DEFB110: variants seen among roughly 807,000 people sequenced by gnomAD.
The protein encoded by DEFB110 is defensin beta 110.
Under a neutral mutation model 2.5 loss-of-function variants are expected in DEFB110, and 4 were observed. The ratio of observed to expected loss-of-function variants is 1.60; its 90% CI spans 0.79 to 3.66. DEFB110 has a LOEUF of 3.66. DEFB110 is among the 30% of genes most tolerant of loss of function. The pLI is 0.01. For synonymous variants in DEFB110, 29 were observed against 21.8 expected (o/e 1.33, Z -0.92); for missense variants, 94 against 75.4 (o/e 1.25, Z -0.91).
intron 1 of DEFB110, among the ~76,000 whole-genome samples, chr6:50,009,466 A>G (rs1326907291): frequency 6.6e-6 from 1 of 152,186 alleles, no homozygotes; most frequent in Non-Finnish European, 1.5e-5. Flanking sequence ...TTATACTTGT[A>G]CAAAATGTCT....
downstream of DEFB110, among the ~76,000 whole-genome samples, chr6:50,014,831 CTGCTTATGAA>C (rs1390642847): frequency 6.6e-6 from 1 of 151,758 alleles, no homozygotes; most frequent in African/African-American, 2.4e-5. Context: ...TCTACCCCTC[CTGCTTATGAA>C]TGAAGAAAGC....
intron 1 of DEFB110, among the ~76,000 whole-genome samples, chr6:50,010,121 ACC>A (rs1774202515): frequency 2.0e-5 from 3 of 152,004 alleles, no homozygotes; most frequent in African/African-American, 7.2e-5. Context: ...CAGTCATTCT[ACC>A]TATCTGGATG....
Position 50,020,336 on chromosome 6 carries a change from T to G in DEFB110, c.56-1211A>C, listed in dbSNP as rs1033872597. On this transcript the variant is annotated intron_variant, in intron 1 of 1. Transcript: ENST00000371148. ...GTTATGTGATCTATTCCAAGTCAAT[T>G]TTTTTAAGTTTATATTTTAAATTGT... Among the ~76,000 whole-genome samples, 5 of 152,136 alleles carry G rather than the reference T, an allele frequency of 3.3e-5. No individual in the cohort carries two copies. The East Asian group carries it at 5.8e-4, about 18-fold the overall frequency.
At chr6:50,020,981 C>A (rs981281482) in intron 1 of DEFB110, among the ~76,000 whole-genome samples, 1 of 152,034 alleles carries the variant, frequency 6.6e-6, no homozygotes, top group Non-Finnish European at 1.5e-5. Flanking sequence ...TGACCCCACC[C>A]CTTCTCTTAT....
At chr6:50,011,573 C>T (rs1204642324) in intron 1 of DEFB110, among the ~76,000 whole-genome samples, 2 of 151,944 alleles carry the variant, frequency 1.3e-5, no homozygotes, top group East Asian at 1.9e-4. Context: ...CAAATCTGTT[C>T]GAAAGCTAGA....
rs753788553 is a variant in DEFB110 at position 50,018,984 on chromosome 6, T to G, written c.197A>C (p.Gln66Pro). 1.2e-6 allele frequency: 2 copies of G among 1,610,774 alleles called. No individual in the cohort carries two copies. The highest frequency in any genetic ancestry group is 1.7e-6 in the Non-Finnish European group (2 of 1,178,574). The change falls in exon 2 of 2, where the codon CAG (glutamine) becomes CCG (proline). Residue 66 changes from glutamine to proline, a missense_variant. Coordinates refer to ENST00000371148, the MANE Select transcript of DEFB110 (RefSeq NM_001037497.2). ...TCTTTTCTTCTGTCATCGTTACTGC[T>G]GCAAGCAGCAATGAGTTCCAGGTCT... ...CIRPGTHCCL[Q>P]Q
At chr6:50,011,546 A>C (rs1247895130) in intron 1 of DEFB110, among the ~76,000 whole-genome samples, 1 of 152,068 alleles carries the variant, frequency 6.6e-6, no homozygotes, top group Non-Finnish European at 1.5e-5. Flanking sequence ...ACAATCCTGC[A>C]TACACACAGA....
At chr6:50,019,353 G>A (rs1045517661) in intron 1 of DEFB110, among the ~76,000 whole-genome samples, 2 of 152,058 alleles carry the variant, frequency 1.3e-5, no homozygotes, top group Admixed American at 6.6e-5. Context: ...AAGAAACTGG[G>A]CAGTGACCCA....
chr6:50,009,849 C>G (rs1181418391), intron 1 of DEFB110, among the ~76,000 whole-genome samples: 9 of 151,978 alleles, frequency 5.9e-5, no homozygotes, highest in Admixed American at 5.9e-4. Context: ...AAAAGTGGAG[C>G]CTCACATTAG....
At chr6:50,018,449 C>T (rs952041220), downstream of DEFB110, among the ~76,000 whole-genome samples, 4 of 151,896 alleles carry the variant, frequency 2.6e-5, no homozygotes, top group African/African-American at 9.7e-5. Flanking sequence ...CTTCTCTGGT[C>T]TTCCATTCTT....
intron 1 of DEFB110, among the ~76,000 whole-genome samples, chr6:50,010,677 C>G (rs142422799): frequency 6.6e-6 from 1 of 151,078 alleles, no homozygotes; most frequent in Non-Finnish European, 1.5e-5. Context: ...AGAATCCCTA[C>G]CTTTGGTGAA....
chr6:50,016,370 C>T (rs114702864), downstream of DEFB110, among the ~76,000 whole-genome samples: 1,069 of 151,554 alleles, frequency 7.1e-3, 20 homozygotes, highest in African/African-American at 0.024. Flanking sequence ...TAAATATGAA[C>T]GAAAATACAT....
At chr6:50,021,173 G>A (rs1774412718) in intron 1 of DEFB110, among the ~76,000 whole-genome samples, 1 of 151,998 alleles carries the variant, frequency 6.6e-6, no homozygotes, top group Admixed American at 6.6e-5. Context: ...CAAGCTCAAG[G>A]GCATGGTGTC....
At chr6:50,017,899 C>A (rs192374517), downstream of DEFB110, among the ~76,000 whole-genome samples, 95 of 151,888 alleles carry the variant, frequency 6.3e-4, 1 homozygote, top group African/African-American at 2.1e-3. Flanking sequence ...CCTATATGTA[C>A]TGTTTAATAC....
Position 50,021,880 on chromosome 6 carries a change from C to T in DEFB110, c.55+1G>A. Reference sequence around the variant, plus strand: ...AATCCCCACAAATATTTGCATATTACCTGGTAAAATTGTGACCCAAAAGTG... The same window carrying T: ...AATCCCCACAAATATTTGCATATTATCTGGTAAAATTGTGACCCAAAAGTG... On this transcript the variant is annotated splice_donor_variant, in intron 1 of 1. Coordinates refer to ENST00000371148, the MANE Select transcript of DEFB110 (RefSeq NM_001037497.2). LOFTEE classifies it high-confidence loss of function. 2 of 1,554,542 alleles carry T rather than the reference C, an allele frequency of 1.3e-6. No individual in the cohort carries two copies. Among genetic ancestry groups the T allele is most frequent in the Non-Finnish European group, 1.7e-6 (2 of 1,158,974 alleles).
At chr6:50,009,219 T>C in exon 2 of DEFB110, 2 of 1,608,348 alleles carry the variant, frequency 1.2e-6, no homozygotes, top group Non-Finnish European at 1.7e-6. Flanking sequence ...TACATATTCC[T>C]CTCACTTTTT....
Position 50,021,927 on chromosome 6 carries a change from A to T in DEFB110, c.9T>A (p.Ile3=). 3 of 1,561,090 alleles carry T rather than the reference A, an allele frequency of 1.9e-6. No individual in the cohort carries two copies. Among genetic ancestry groups the T allele is most frequent in the Non-Finnish European group, 2.6e-6 (3 of 1,161,940 alleles). MK[I]QLFFFILHFW... ...AGTGCAGAATAAAGAAAAAAAGTTG[A>T]ATCTTCATGGTAGAGAGTTTCTTAA... Residue 3 remains isoleucine, a synonymous_variant, in exon 1 of 2, where the codon ATT becomes ATA. Coordinates refer to ENST00000371148, the MANE Select transcript of DEFB110 (RefSeq NM_001037497.2).
chr6:50,016,278 A>T (rs1774314701), downstream of DEFB110, among the ~76,000 whole-genome samples: 1 of 151,824 alleles, frequency 6.6e-6, no homozygotes, highest in South Asian at 2.1e-4. Flanking sequence ...ATGGGTATTG[A>T]ACTACCAAAT....
intron 1 of DEFB110, among the ~76,000 whole-genome samples, chr6:50,013,395 G>A (rs1774264497): frequency 6.6e-6 from 1 of 151,826 alleles, no homozygotes; most frequent in South Asian, 2.1e-4. Flanking sequence ...AGAATGGTAT[G>A]ACCTTTTAGC....
Sources: allele counts gnomAD v4.1 joint callset (sites outside exome capture counted in the v4.1 genomes callset), GRCh38; gene constraint gnomAD v4.1.1; transcripts MANE v1.5; gene names NCBI Gene and HGNC (gene_info 2026-07-23, HGNC 2026-07-21).